Variants in CDH18 observed in about 807,000 individuals in gnomAD.
CDH18 encodes cadherin 18.
Under a neutral mutation model 67.9 loss-of-function variants are expected in CDH18, and 31 were observed. That is an observed-to-expected ratio of 0.46 (90% CI 0.34 to 0.62). The LOEUF is 0.62. Ranked by LOEUF, CDH18 falls within the 20% of genes least tolerant of loss-of-function variation. The probability of loss-of-function intolerance (pLI) is 0.01; values close to 1 mark genes in which losing one functional copy is unlikely to be tolerated. For synonymous variants in CDH18, 362 were observed against 347.2 expected, an observed-to-expected ratio of 1.04 and a Z score of -0.48; for missense variants, 890 against 975.5, an observed-to-expected ratio of 0.91 and a Z score of 1.17.
chr5:20,028,674 G>A (rs1279782396), intron 2 of CDH18, among the ~76,000 whole-genome samples: 1 of 152,142 alleles, frequency 6.6e-6, no homozygotes, highest in African/African-American at 2.4e-5. Context: ...TATTGGGCAA[G>A]CAGCAAATAC....
rs1409432321 is a variant in CDH18, at chr5:19,811,159, AAG to A, written c.228+27598_228+27599del. On this transcript the variant is annotated intron_variant, in intron 3 of 12. Coordinates refer to ENST00000382275, the MANE Select transcript of CDH18 (RefSeq NM_004934.5). ...GAAAGAAAGAAAGAAAGAAAGAAAG[AAG>A]GAGAGAAAGAAAGAGAAGAAAGAGG... is the stretch of plus-strand genomic sequence containing the variant. 1.9e-3 allele frequency among the ~76,000 whole-genome samples: 26 copies of A among 14,046 alleles called. 1 individual carries two copies. The highest frequency in any genetic ancestry group is 4.1e-3 in the African/African-American group (10 of 2,434). 9.2% of individuals were successfully genotyped at this position (14,046 alleles called of 152,430 possible).
intron 11 of CDH18, among the ~76,000 whole-genome samples, chr5:19,500,524 C>T (rs1743060971): frequency 6.6e-6 from 1 of 152,100 alleles, no homozygotes; most frequent in Admixed American, 6.5e-5. Context: ...TCAATATTTC[C>T]ATCCAAAAGA....
chr5:20,551,645 G>A (rs1757639634), intron 1 of CDH18, among the ~76,000 whole-genome samples: 1 of 152,046 alleles, frequency 6.6e-6, no homozygotes, highest in Non-Finnish European at 1.5e-5. Context: ...CCTCTGAGTT[G>A]GTTATTACAT....
chr5:19,685,792 G>C (rs1761013174), intron 5 of CDH18, among the ~76,000 whole-genome samples: 1 of 152,104 alleles, frequency 6.6e-6, no homozygotes, highest in Non-Finnish European at 1.5e-5. Flanking sequence ...CCATCTTTTT[G>C]AAGAGAGAGA....
chr5:20,042,510 C>G (rs748764940), intron 2 of CDH18, among the ~76,000 whole-genome samples: 2 of 152,028 alleles, frequency 1.3e-5, no homozygotes, highest in Non-Finnish European at 2.9e-5. Context: ...TTTTTTCACA[C>G]AAAAACATAA....
intron 1 of CDH18, among the ~76,000 whole-genome samples, chr5:20,371,894 T>C (rs528475592): frequency 2.4e-4 from 36 of 152,292 alleles, no homozygotes; most frequent in African/African-American, 8.2e-4. Context: ...TTTGGCGATA[T>C]GAGCATGAGG....
At chr5:19,523,594 G>A (rs1747273570) in intron 9 of CDH18, among the ~76,000 whole-genome samples, 1 of 151,778 alleles carries the variant, frequency 6.6e-6, no homozygotes, top group East Asian at 1.9e-4. Flanking sequence ...TCATTAGTAT[G>A]AAAAAAAGTA....
intron 1 of CDH18, among the ~76,000 whole-genome samples, chr5:20,560,511 A>ACACACACC (rs1197460480): frequency 3.4e-5 from 5 of 146,316 alleles, no homozygotes; most frequent in South Asian, 2.2e-4. Context: ...ACACACACAC[A>ACACACACC]CCCCTACATT....
intron 2 of CDH18, among the ~76,000 whole-genome samples, chr5:20,087,488 A>G (rs1415263044): frequency 6.6e-6 from 1 of 152,088 alleles, no homozygotes. Context: ...GGGAAAAAAA[A>G]AAAACAAAGT....
intron 1 of CDH18, among the ~76,000 whole-genome samples, chr5:20,373,403 C>T (rs139442839): frequency 3.5e-4 from 54 of 152,182 alleles, no homozygotes; most frequent in Middle Eastern, 3.4e-3. Context: ...CCCCAGCTCT[C>T]ACACCCATCA....
chr5:20,467,255 A>T (rs10041366), intron 1 of CDH18, among the ~76,000 whole-genome samples: 119,387 of 151,814 alleles, frequency 0.79, 47,184 homozygotes, highest in Admixed American at 0.86. Flanking sequence ...GTGGTAAATA[A>T]GGCTGCCCTT....
At chr5:19,807,479 C>G (rs1778155239) in intron 3 of CDH18, among the ~76,000 whole-genome samples, 1 of 152,124 alleles carries the variant, frequency 6.6e-6, no homozygotes, top group African/African-American at 2.4e-5. Flanking sequence ...TTCAGTTTCT[C>G]CAAATATTAA....
intron 4 of CDH18, among the ~76,000 whole-genome samples, chr5:19,730,486 G>T (rs1413720291): frequency 6.6e-6 from 1 of 152,122 alleles, no homozygotes; most frequent in Non-Finnish European, 1.5e-5. Context: ...TCAGTTTCAA[G>T]AATTTGCATA....
chr5:20,183,947 T>C (rs1206297420), intron 2 of CDH18, among the ~76,000 whole-genome samples: 1 of 152,092 alleles, frequency 6.6e-6, no homozygotes, highest in East Asian at 1.9e-4. Context: ...TTATGGTAGG[T>C]AATGAAAGAA....
At chr5:20,153,781 G>A (rs1163680716) in intron 2 of CDH18, among the ~76,000 whole-genome samples, 2 of 152,006 alleles carry the variant, frequency 1.3e-5, no homozygotes, top group East Asian at 3.9e-4. Flanking sequence ...CTTCTTATAG[G>A]GACACCAGTT....
At chr5:19,773,729 T>C (rs1773981896) in intron 3 of CDH18, among the ~76,000 whole-genome samples, 1 of 152,064 alleles carries the variant, frequency 6.6e-6, no homozygotes, top group Non-Finnish European at 1.5e-5. Flanking sequence ...ATAATGATAG[T>C]TGGGGAAAAC....
intron 2 of CDH18, among the ~76,000 whole-genome samples, chr5:20,242,213 T>C (rs1424539654): frequency 6.6e-6 from 1 of 152,096 alleles, no homozygotes; most frequent in East Asian, 1.9e-4. Flanking sequence ...TTTTGATATA[T>C]GTTTACAATG....
At chr5:19,653,914 C>A (rs960354787) in intron 5 of CDH18, among the ~76,000 whole-genome samples, 5 of 152,172 alleles carry the variant, frequency 3.3e-5, no homozygotes, top group African/African-American at 1.2e-4. Context: ...GCTGCCACTT[C>A]TCACCAATAA....
chr5:20,202,975 T>G (rs1394119049), intron 2 of CDH18, among the ~76,000 whole-genome samples: 1 of 151,824 alleles, frequency 6.6e-6, no homozygotes, highest in Admixed American at 6.6e-5. Context: ...ATCCTAGAAC[T>G]CAAATATGAG....
Sources: gnomAD v4.1 joint callset for allele counts (sites outside exome capture counted in the v4.1 genomes callset) on GRCh38, gnomAD v4.1.1 for gene constraint, MANE v1.5 for transcripts, NCBI Gene and HGNC (gene_info 2026-07-23, HGNC 2026-07-21) for gene names.